TMEM200A: variants seen among roughly 807,000 people sequenced by gnomAD.
TMEM200A encodes transmembrane protein 200A, also known as two transmembrane C.
A neutral mutation model predicts 24.3 loss-of-function variants in TMEM200A; 12 were observed. That is an observed-to-expected ratio of 0.49 (90% CI 0.32 to 0.80). The LOEUF (loss-of-function observed/expected upper bound fraction) is 0.80, where lower values mean the gene tolerates loss of function less well. TMEM200A is among the 30% of genes least tolerant of loss of function. The pLI, the probability that TMEM200A is intolerant of heterozygous loss-of-function variation, is 0.04. For synonymous variants in TMEM200A, 224 were observed against 224.4 expected, an observed-to-expected ratio of 1.00 and a Z score of 0.02; for missense variants, 545 against 614.4, an observed-to-expected ratio of 0.89 and a Z score of 1.19.
chr6:130,411,712 T>TA (rs1779334005), intron 2 of TMEM200A, among the ~76,000 whole-genome samples: 1 of 152,196 alleles, frequency 6.6e-6, no homozygotes, highest in Non-Finnish European at 1.5e-5. Context: ...TGCTTGTTGT[T>TA]AGATTCAGGT....
chr6:130,365,568 C>A, upstream of TMEM200A: 1 of 985,354 alleles, frequency 1.0e-6, no homozygotes, highest in Non-Finnish European at 1.2e-6. Flanking sequence ...TACTGCGAGT[C>A]GGCTGGAGCT....
intron 1 of TMEM200A, among the ~76,000 whole-genome samples, chr6:130,382,392 G>C (rs1778620763): frequency 6.6e-6 from 1 of 152,146 alleles, no homozygotes; most frequent in African/African-American, 2.4e-5. Flanking sequence ...TGTTAGCTCT[G>C]CCTGGATGGG....
intron 2 of TMEM200A, among the ~76,000 whole-genome samples, chr6:130,424,985 A>T (rs1779695309): frequency 1.3e-5 from 2 of 151,542 alleles, no homozygotes; most frequent in South Asian, 4.2e-4. Context: ...TCTTTGTGAA[A>T]CCTCTCTTGC....
chr6:130,414,931 G>A lies in TMEM200A; in HGVS notation c.-16-25476G>A, dbSNP rs112741361. On this transcript the variant is annotated intron_variant, in intron 2 of 2. Coordinates refer to ENST00000296978, the MANE Select transcript of TMEM200A (RefSeq NM_001258277.2). ...GCTCAGCACAGACTGTTTTTATGGG[G>A]CCAGCACCATACTGAACTTCCAAAC... 3.0e-4 allele frequency among the ~76,000 whole-genome samples: 45 copies of A among 152,252 alleles called. 1 individual carries two copies. The highest frequency in any genetic ancestry group is 1.0e-3 in the African/African-American group (42 of 41,546).
intron 1 of TMEM200A, among the ~76,000 whole-genome samples, chr6:130,370,270 T>C (rs1283523959): frequency 6.6e-6 from 1 of 152,114 alleles, no homozygotes; most frequent in East Asian, 1.9e-4. Context: ...TTTTTATAAA[T>C]CTCCTTGAAG....
At chr6:130,399,060 T>C (rs528090687) in intron 2 of TMEM200A, among the ~76,000 whole-genome samples, 2 of 152,198 alleles carry the variant, frequency 1.3e-5, no homozygotes, top group South Asian at 2.1e-4. Context: ...TAGCTAGTTA[T>C]GCAGGTATTG....
rs934217508 is a variant in TMEM200A at position 130,366,349 on chromosome 6, TG to T, written c.-252del. The T allele has an allele frequency of 6.1e-6, 6 of 981,426 alleles. No individual in the cohort carries two copies. In the East Asian group the frequency reaches 3.5e-4, roughly 58 times the overall value. 60.8% of individuals were successfully genotyped at this position (981,426 alleles called of 1,614,324 possible). A position where few individuals can be genotyped will look rare whatever the true frequency, so the allele number is the denominator to read the frequency against. On this transcript the variant is annotated 5_prime_UTR_variant, in exon 1 of 3. It removes the in-frame stop codon of an upstream open reading frame in the 5' UTR. Transcript: ENST00000296978. This position sits in a 1 kb window ranked among gnomAD's most constrained non-coding sequence, Gnocchi z 4.4. ...CGCGGTGGCCGCCCGAGCCCTGGGA[TG>T]GGGAGGGAGACCGCGGCTGCCCGCG...
chr6:130,412,092 C>T (rs574244204), intron 2 of TMEM200A, among the ~76,000 whole-genome samples: 1 of 135,850 alleles, frequency 7.4e-6, no homozygotes, highest in Non-Finnish European at 1.5e-5. Context: ...TTGAACGTTT[C>T]CTTGGCTTTT....
intron 2 of TMEM200A, among the ~76,000 whole-genome samples, chr6:130,436,631 C>CTTTTTTTTTTTTTT (rs1203926640): frequency 1.1e-5 from 1 of 92,926 alleles, no homozygotes; most frequent in Non-Finnish European, 2.0e-5. Context: ...TTTCTTTATC[C>CTTTTTTTTTTTTTT]TTTTTTTTTT....
chr6:130,386,287 T>A (rs901049845), intron 2 of TMEM200A, among the ~76,000 whole-genome samples: 9 of 152,172 alleles, frequency 5.9e-5, no homozygotes, highest in African/African-American at 1.9e-4. Flanking sequence ...TGTGCAGCAC[T>A]TGAGTGTTTC....
chr6:130,428,639 G>A (rs1779803049), intron 2 of TMEM200A, among the ~76,000 whole-genome samples: 1 of 152,162 alleles, frequency 6.6e-6, no homozygotes, highest in Non-Finnish European at 1.5e-5. Context: ...ATTCAGGAGC[G>A]AAGCCAGGAT....
At chr6:130,416,999 T>A (rs1376972609) in intron 2 of TMEM200A, among the ~76,000 whole-genome samples, 1 of 152,166 alleles carries the variant, frequency 6.6e-6, no homozygotes, top group East Asian at 1.9e-4. Context: ...TCAAACTGCC[T>A]TCTAAAACCT....
chr6:130,413,545 A>AT (rs1056393758), intron 2 of TMEM200A, among the ~76,000 whole-genome samples: 1 of 152,090 alleles, frequency 6.6e-6, no homozygotes, highest in African/African-American at 2.4e-5. Flanking sequence ...AATTCCCTTG[A>AT]TTCTTGTCCT....
chr6:130,382,984 AG>A, intron 1 of TMEM200A: 1 of 983,660 alleles, frequency 1.0e-6, no homozygotes, highest in Non-Finnish European at 1.2e-6. Context: ...TAGATCAGGA[AG>A]CAAACCATCT....
chr6:130,407,588 A>T (rs1269159309), intron 2 of TMEM200A, among the ~76,000 whole-genome samples: 1 of 152,216 alleles, frequency 6.6e-6, no homozygotes, highest in Non-Finnish European at 1.5e-5. Flanking sequence ...GTCCACGGAG[A>T]TACTTGATTT....
At chr6:130,376,156 G>A (rs6569679) in intron 1 of TMEM200A, among the ~76,000 whole-genome samples, 37,455 of 151,708 alleles carry the variant, frequency 0.25, 5,684 homozygotes, top group African/African-American at 0.42. Context: ...TAAATGTTGC[G>A]GAATTAACCA....
Position 130,366,284 on chromosome 6 carries a change from G to A in TMEM200A, c.-321G>A. 1 of 969,830 alleles carries A rather than the reference G, an allele frequency of 1.0e-6. No individual in the cohort carries two copies. The highest frequency in any genetic ancestry group is 1.2e-6 in the Non-Finnish European group (1 of 818,144). 60.1% of individuals were successfully genotyped at this position (969,830 alleles called of 1,614,324 possible). On this transcript the variant is annotated 5_prime_UTR_variant, in exon 1 of 3. Transcript: ENST00000296978. The surrounding 1 kb of genome is among the most constrained non-coding windows in gnomAD (Gnocchi z 4.4). The stretch of plus-strand genomic sequence containing the variant: ...GGGCGCCCCCACCCTCCGTCCGCTT[G>A]CACCCCTTGCCACCCGCCCCCTCGC...
intron 2 of TMEM200A, among the ~76,000 whole-genome samples, chr6:130,397,293 TTAAC>T (rs1434134037): frequency 5.3e-5 from 8 of 152,160 alleles, no homozygotes; most frequent in Admixed American, 3.9e-4. Context: ...AGCTTTAAAC[TTAAC>T]TAATAATTGC....
chr6:130,440,046 G>C (rs1390404652), intron 2 of TMEM200A, among the ~76,000 whole-genome samples: 1 of 151,044 alleles, frequency 6.6e-6, no homozygotes, highest in African/African-American at 2.4e-5. Context: ...GTGTGTGAGA[G>C]AGAGAGAGAG....
Sources: gnomAD v4.1 joint callset for allele counts (sites outside exome capture counted in the v4.1 genomes callset) on GRCh38, gnomAD v4.1.1 for gene constraint, Gnocchi (gnomAD v3.1) non-coding constraint, MANE v1.5 for transcripts, NCBI Gene and HGNC (gene_info 2026-07-23, HGNC 2026-07-21) for gene names.